The following PLCB1 variants were observed in gnomAD, a reference collection of about 807,000 sequenced individuals.
PLCB1 encodes 1-phosphatidylinositol 4,5-bisphosphate phosphodiesterase beta-1.
In PLCB1, 46 loss-of-function variants were observed where a neutral mutation model predicts 161.8. That is an observed-to-expected ratio of 0.28 (90% confidence interval 0.22 to 0.36). PLCB1 has a LOEUF of 0.36. Among genes scored for constraint, PLCB1 ranks in the 10% least tolerant of loss-of-function variants. The pLI is 1.00. For synonymous variants in PLCB1, 517 were observed against 503.7 expected, an observed-to-expected ratio of 1.03 and a Z score of -0.35; for missense variants, 1,016 against 1,472.5, an observed-to-expected ratio of 0.69 and a Z score of 5.07.
At chr20:8,681,108 A>ATG (rs1990206556) in intron 9 of PLCB1, among the ~76,000 whole-genome samples, 2 of 132,540 alleles carry the variant, frequency 1.5e-5, no homozygotes, top group Non-Finnish European at 3.2e-5. Flanking sequence ...ATATATATAT[A>ATG]TATATATATA....
intron 26 of PLCB1, 39 bp from the exon 27 acceptor site, chr20:8,774,500 G>A: frequency 6.5e-7 from 1 of 1,550,266 alleles, no homozygotes; most frequent in Non-Finnish European, 8.8e-7. Flanking sequence ...CCTTGTTATG[G>A]CCTGTCTGTT....
chr20:8,508,463 G>A (rs563024344), intron 3 of PLCB1, among the ~76,000 whole-genome samples: 2 of 152,302 alleles, frequency 1.3e-5, no homozygotes, highest in South Asian at 2.1e-4. Flanking sequence ...GACTCGAAGT[G>A]ACTCAAGTTC....
chr20:8,197,604 T>C (rs573021451), intron 2 of PLCB1, among the ~76,000 whole-genome samples: 1 of 152,358 alleles, frequency 6.6e-6, no homozygotes, highest in East Asian at 1.9e-4. Context: ...TGCCATTCTG[T>C]AGGTTGCCTG....
chr20:8,685,223 C>T (rs1316089955), intron 10 of PLCB1, 145 bp downstream of exon 10: 3 of 700,536 alleles, frequency 4.3e-6, no homozygotes, highest in Admixed American at 2.2e-5. Flanking sequence ...ACCACTAAAG[C>T]CTCCCGCCTC....
At chr20:8,571,064 C>G (rs1210847595) in intron 3 of PLCB1, among the ~76,000 whole-genome samples, 1 of 152,152 alleles carries the variant, frequency 6.6e-6, no homozygotes, top group Non-Finnish European at 1.5e-5. Flanking sequence ...ATGTAGGCAC[C>G]AGGTCATGTA....
chr20:8,147,971 C>T (rs1030933153), intron 1 of PLCB1, among the ~76,000 whole-genome samples: 1 of 147,572 alleles, frequency 6.8e-6, no homozygotes, highest in African/African-American at 2.5e-5. Context: ...CTCCCGGGTT[C>T]ATGCCATTCT....
At chr20:8,633,483 T>C (rs980255371) in intron 4 of PLCB1, among the ~76,000 whole-genome samples, 1 of 152,014 alleles carries the variant, frequency 6.6e-6, no homozygotes, top group Non-Finnish European at 1.5e-5. Flanking sequence ...TATTAAAAAG[T>C]CATCATACTT....
chr20:8,682,746 G>T (rs112747763), intron 9 of PLCB1, among the ~76,000 whole-genome samples: 4,536 of 152,260 alleles, frequency 0.03, 104 homozygotes, highest in Middle Eastern at 0.071. Context: ...CAGTAGGGGA[G>T]AAGAGAAGGA....
At chr20:8,556,443 G>A (rs775368725) in intron 3 of PLCB1, among the ~76,000 whole-genome samples, 1 of 152,044 alleles carries the variant, frequency 6.6e-6, no homozygotes, top group African/African-American at 2.4e-5. Context: ...GGAAAAGCTG[G>A]AGAATGAGTT....
chr20:8,536,614 C>A (rs575360590), intron 3 of PLCB1, among the ~76,000 whole-genome samples: 7 of 152,218 alleles, frequency 4.6e-5, no homozygotes, highest in African/African-American at 1.4e-4. Flanking sequence ...CACTCACCGG[C>A]CCCATATCTC....
At chr20:8,242,668 T>C (rs974573848) in intron 2 of PLCB1, among the ~76,000 whole-genome samples, 10 of 151,706 alleles carry the variant, frequency 6.6e-5, no homozygotes, top group African/African-American at 2.4e-4. Context: ...AAGAGAGGAA[T>C]GGCAATTGCT....
At position 8,697,669 on chromosome 20, in the gene PLCB1, A is replaced by G; in HGVS notation, c.1053A>G (p.Gln351=). The G allele has an allele frequency of 6.2e-7, 1 of 1,614,218 alleles. No homozygotes were observed. Among genetic ancestry groups the G allele is most frequent in the Non-Finnish European group, 8.5e-7 (1 of 1,180,040 alleles). ...ACTCCTCTGTTGAGATGTATCGCCA[A>G]GTGCTCCTGTCTGGTTGTCGCTGTG... ...AGNSSVEMYR[Q]VLLSGCRCVE... Residue 351 remains glutamine, a synonymous_variant, in exon 11 of 32, where the codon CAA becomes CAG. Coordinates refer to ENST00000338037, the MANE Select transcript of PLCB1 (RefSeq NM_015192.4).
chr20:8,630,175 C>CT (rs1988541678), intron 4 of PLCB1, among the ~76,000 whole-genome samples: 1 of 150,888 alleles, frequency 6.6e-6, no homozygotes, highest in Admixed American at 6.6e-5. Context: ...CAACCTCTGC[C>CT]TCCTGGGTTC....
rs1982604439 is a variant in PLCB1 at position 8,483,754 on chromosome 20, A to G, written c.246+112304A>G. Among the ~76,000 whole-genome samples the G allele has an allele frequency of 2.0e-5, 3 of 152,266 alleles. No individual in the cohort carries two copies. In the South Asian group the frequency reaches 6.2e-4, roughly 31 times the overall value. On this transcript the variant is annotated intron_variant, in intron 3 of 31. Transcript: ENST00000338037. ...ATGTTGCAGAATGCTACAGAGCTGCAAATGAAGACTAGTATCCTGTTAAAA... is the reference window on the plus strand; with the variant it reads ...ATGTTGCAGAATGCTACAGAGCTGCGAATGAAGACTAGTATCCTGTTAAAA...
chr20:8,457,778 C>T (rs1981392355), intron 3 of PLCB1, among the ~76,000 whole-genome samples: 1 of 151,960 alleles, frequency 6.6e-6, no homozygotes, highest in African/African-American at 2.4e-5. Flanking sequence ...CAGGCACCCT[C>T]AGCCACCTTT....
At chr20:8,211,189 G>T (rs1418024148) in intron 2 of PLCB1, among the ~76,000 whole-genome samples, 2 of 152,022 alleles carry the variant, frequency 1.3e-5, no homozygotes, top group East Asian at 3.9e-4. Context: ...CTGAGATTAT[G>T]CCCCTTAGCA....
intron 2 of PLCB1, among the ~76,000 whole-genome samples, chr20:8,244,313 C>T (rs921582722): frequency 6.6e-6 from 1 of 151,730 alleles, no homozygotes; most frequent in Non-Finnish European, 1.5e-5. Flanking sequence ...TTTGTAATAG[C>T]CCCAAACTGT....
intron 31 of PLCB1, among the ~76,000 whole-genome samples, chr20:8,826,154 GTCATA>G (rs1260422547): frequency 1.7e-3 from 253 of 152,208 alleles, no homozygotes; most frequent in African/African-American, 5.7e-3. Flanking sequence ...AGATTTGTGA[GTCATA>G]CATAAAATGG....
intron 3 of PLCB1, among the ~76,000 whole-genome samples, chr20:8,509,328 C>T (rs781384531): frequency 2.6e-5 from 4 of 152,078 alleles, no homozygotes; most frequent in African/African-American, 7.2e-5. Flanking sequence ...AGAGCGCATC[C>T]GAGCATCAAT....
Sources: gnomAD v4.1 joint callset for allele counts (sites outside exome capture counted in the v4.1 genomes callset) on GRCh38, gnomAD v4.1.1 for gene constraint, MANE v1.5 for transcripts, NCBI Gene and HGNC (gene_info 2026-07-23, HGNC 2026-07-21) for gene names.